The following NRG1 variants were observed in gnomAD, a reference collection of about 807,000 sequenced individuals.
NRG1 encodes the protein pro-neuregulin-1, membrane-bound isoform.
Under a neutral mutation model 63.8 loss-of-function variants are expected in NRG1, and 18 were observed. The ratio of observed to expected loss-of-function variants is 0.28; its 90% CI spans 0.19 to 0.42. NRG1 has a LOEUF of 0.42. Ranked by LOEUF, NRG1 falls within the 10% of genes least tolerant of loss-of-function variation. The pLI, the probability that NRG1 is intolerant of heterozygous loss-of-function variation, is 1.00. For synonymous variants in NRG1, 302 were observed against 301.3 expected (o/e 1.00, Z -0.02); for missense variants, 762 against 814.7 (o/e 0.94, Z 0.79).
intron 1 of NRG1, among the ~76,000 whole-genome samples, chr8:31,724,935 C>A (rs573524986): frequency 6.6e-6 from 1 of 152,290 alleles, no homozygotes; most frequent in East Asian, 1.9e-4. Flanking sequence ...TGCATCTACT[C>A]AACTCTGCCA....
chr8:32,118,157 G>A (rs534171564), intron 1 of NRG1, among the ~76,000 whole-genome samples: 1 of 152,060 alleles, frequency 6.6e-6, no homozygotes, highest in Non-Finnish European at 1.5e-5. Context: ...CAAATCTCTT[G>A]TTGAACTTTG....
intron 1 of NRG1, among the ~76,000 whole-genome samples, chr8:32,010,698 A>G (rs1814614720): frequency 6.6e-6 from 1 of 152,018 alleles, no homozygotes; most frequent in Non-Finnish European, 1.5e-5. Flanking sequence ...ATTACCCTTC[A>G]TTACCTGTTC....
At chr8:31,651,294 C>T (rs1804815325) in intron 1 of NRG1, among the ~76,000 whole-genome samples, 1 of 152,100 alleles carries the variant, frequency 6.6e-6, no homozygotes, top group African/African-American at 2.4e-5. Flanking sequence ...CTCTGCAAGC[C>T]TGTCTTTGAA....
chr8:32,551,612 T>C (rs755389682), intron 1 of NRG1, among the ~76,000 whole-genome samples: 2 of 152,212 alleles, frequency 1.3e-5, no homozygotes, highest in Non-Finnish European at 2.9e-5. Flanking sequence ...CATCTGCACT[T>C]TTATACAATT....
intron 1 of NRG1, among the ~76,000 whole-genome samples, chr8:31,655,586 T>C (rs916857792): frequency 6.6e-6 from 1 of 152,172 alleles, no homozygotes; most frequent in Non-Finnish European, 1.5e-5. Context: ...ATTCTAGACT[T>C]CCAGGATTCC....
chr8:32,605,710 C>A (rs1845144609), intron 3 of NRG1, 27 bp downstream of exon 3: 1 of 1,609,616 alleles, frequency 6.2e-7, no homozygotes. Flanking sequence ...GTATTCTGTT[C>A]CTCAATCTGT....
chr8:32,010,077 G>C (rs1814496422), intron 1 of NRG1, among the ~76,000 whole-genome samples: 1 of 152,032 alleles, frequency 6.6e-6, no homozygotes, highest in African/African-American at 2.4e-5. Context: ...TCAATGACAG[G>C]TATGACTGCA....
chr8:31,664,128 C>T (rs1354562648), intron 1 of NRG1, among the ~76,000 whole-genome samples: 1 of 152,098 alleles, frequency 6.6e-6, no homozygotes, highest in Non-Finnish European at 1.5e-5. Context: ...CCAAACTTTC[C>T]ACCAACCACA....
At chr8:31,846,461 G>T (rs1586777368) in intron 1 of NRG1, among the ~76,000 whole-genome samples, 1 of 152,162 alleles carries the variant, frequency 6.6e-6, no homozygotes, top group African/African-American at 2.4e-5. Flanking sequence ...TCTGGTCAAG[G>T]TTTATACTAA....
chr8:31,884,902 A>G (rs368392554), intron 1 of NRG1, among the ~76,000 whole-genome samples: 1 of 152,198 alleles, frequency 6.6e-6, no homozygotes, highest in African/African-American at 2.4e-5. Context: ...GAAATACTGT[A>G]TAAAAGAGAA....
intron 1 of NRG1, among the ~76,000 whole-genome samples, chr8:32,359,032 A>G (rs1388721748): frequency 6.6e-6 from 1 of 152,100 alleles, no homozygotes; most frequent in Non-Finnish European, 1.5e-5. Flanking sequence ...GCAAGATTTC[A>G]GGGAGGGTGA....
At chr8:32,043,057 A>C (rs918257180) in intron 1 of NRG1, among the ~76,000 whole-genome samples, 3 of 151,522 alleles carry the variant, frequency 2.0e-5, no homozygotes, top group African/African-American at 7.3e-5. Context: ...AACATCCCAA[A>C]TTAGCCAAAT....
chr8:32,646,637 T>C (rs954471682), intron 5 of NRG1: 1 of 964,936 alleles, frequency 1.0e-6, no homozygotes, highest in Admixed American at 6.2e-5. Context: ...GGAAAGAGAC[T>C]GAAAGCTGGC....
chr8:32,399,565 TG>T (rs1812897626), intron 1 of NRG1, among the ~76,000 whole-genome samples: 1 of 152,036 alleles, frequency 6.6e-6, no homozygotes, highest in Non-Finnish European at 1.5e-5. Flanking sequence ...ACTAGCCAGG[TG>T]TGGTGGCAAG....
intron 1 of NRG1, among the ~76,000 whole-genome samples, chr8:31,822,221 G>C (rs1231165283): frequency 6.6e-6 from 1 of 152,088 alleles, no homozygotes; most frequent in Non-Finnish European, 1.5e-5. Flanking sequence ...CCATGGATAC[G>C]ATATCACTCA....
At chr8:32,147,882 T>C (rs1212417062) in intron 1 of NRG1, among the ~76,000 whole-genome samples, 2 of 152,180 alleles carry the variant, frequency 1.3e-5, no homozygotes, top group African/African-American at 4.8e-5. Context: ...TTTGAATTTC[T>C]CTTGTTGTTT....
intron 1 of NRG1, among the ~76,000 whole-genome samples, chr8:32,363,642 A>T (rs953135497): frequency 6.6e-6 from 1 of 152,050 alleles, no homozygotes; most frequent in Non-Finnish European, 1.5e-5. Context: ...CCTCTCTTCT[A>T]TCACTCTCTT....
In NRG1 at chr8:32,742,846, A is replaced by G. The variant is rs1274478989; in HGVS notation, c.691+113A>G. On this transcript the variant is annotated intron_variant, in intron 7 of 11. Transcript: ENST00000356819. The surrounding 1 kb of genome is among the most constrained non-coding windows in gnomAD (Gnocchi z 4.2). ...CACCTAGAGCTAGATGTGTCTTACCAGATCTAATATTGACTGCCTCTGCCT... is the reference window on the plus strand; with the variant it reads ...CACCTAGAGCTAGATGTGTCTTACCGGATCTAATATTGACTGCCTCTGCCT... 1.2e-6 allele frequency: 2 copies of G among 1,603,520 alleles called. No homozygotes were observed. Among genetic ancestry groups the G allele is most frequent in the Middle Eastern group, 1.7e-4 (1 of 6,014 alleles).
chr8:32,643,444 C>T (rs1852818393), intron 5 of NRG1, among the ~76,000 whole-genome samples: 1 of 152,200 alleles, frequency 6.6e-6, no homozygotes, highest in Non-Finnish European at 1.5e-5. Context: ...GGAGAGGCCA[C>T]AGGTTGGTGC....
Sources: allele counts gnomAD v4.1 joint callset (sites outside exome capture counted in the v4.1 genomes callset), GRCh38; gene constraint gnomAD v4.1.1; non-coding constraint Gnocchi (gnomAD v3.1); transcripts MANE v1.5; gene names NCBI Gene and HGNC (gene_info 2026-07-23, HGNC 2026-07-21).